Variants in MAF observed in about 807,000 individuals in gnomAD.
The protein encoded by MAF is MAF bZIP transcription factor.
MAF carries 10 observed loss-of-function variants against 22.0 expected under a neutral mutation model. The observed-to-expected ratio is 0.45, with a 90% confidence interval of 0.28 to 0.77. The LOEUF (loss-of-function observed/expected upper bound fraction) is 0.77. Among genes scored for constraint, MAF ranks in the 30% least tolerant of loss-of-function variants. The pLI, the probability that MAF is intolerant of heterozygous loss-of-function variation, is 0.12. For missense variants in MAF, 544 were observed against 548.4 expected (o/e 0.99, Z 0.08); for synonymous variants, 337 against 255.8 (o/e 1.32, Z -3.03).
chr16:79,420,008 T>TC, the MAF span, among the ~76,000 whole-genome samples: 27 of 151,856 alleles, frequency 1.8e-4, no homozygotes, highest in African/African-American at 5.8e-4. Flanking sequence ...CACACGGTTT[T>TC]TTTTTTTCTT....
the MAF span, among the ~76,000 whole-genome samples, chr16:79,493,431 C>A: frequency 1.3e-5 from 2 of 152,324 alleles, no homozygotes; most frequent in South Asian, 4.1e-4. Flanking sequence ...CCACCCACCT[C>A]AGCATCCGAA....
the MAF span, among the ~76,000 whole-genome samples, chr16:79,388,466 C>A: frequency 6.6e-6 from 1 of 152,174 alleles, no homozygotes; most frequent in South Asian, 2.1e-4. Context: ...TACTTTTCTT[C>A]AATATGCGGA....
the MAF span, among the ~76,000 whole-genome samples, chr16:79,355,441 G>T: frequency 6.6e-6 from 1 of 152,172 alleles, no homozygotes; most frequent in Non-Finnish European, 1.5e-5. Flanking sequence ...GTGGCTCTGA[G>T]GTCCTCCCAT....
the MAF span, among the ~76,000 whole-genome samples, chr16:79,497,953 A>G: frequency 1.3e-5 from 2 of 152,160 alleles, no homozygotes; most frequent in Non-Finnish European, 2.9e-5. Context: ...AGTTCTAGAG[A>G]CCAGAAGACA....
At chr16:79,311,648 A>G in the MAF span, among the ~76,000 whole-genome samples, 1 of 152,168 alleles carries the variant, frequency 6.6e-6, no homozygotes, top group Non-Finnish European at 1.5e-5. Context: ...CTCTTTCTGC[A>G]TTCAGTTCTC....
the MAF span, among the ~76,000 whole-genome samples, chr16:79,424,524 AT>A: frequency 6.6e-6 from 1 of 152,222 alleles, no homozygotes; most frequent in Non-Finnish European, 1.5e-5. Flanking sequence ...ATAAGAACAG[AT>A]ATAATCCAGG....
At chr16:79,433,359 T>C in the MAF span, among the ~76,000 whole-genome samples, 1 of 151,116 alleles carries the variant, frequency 6.6e-6, no homozygotes, top group South Asian at 2.1e-4. Flanking sequence ...GTTGGTGAAG[T>C]TTCATCTTCC....
chr16:79,561,850 C>G, the MAF span, among the ~76,000 whole-genome samples: 1 of 152,120 alleles, frequency 6.6e-6, no homozygotes, highest in Non-Finnish European at 1.5e-5. Context: ...TAGGATTAAC[C>G]AAGAGTAACT....
At chr16:79,476,397 C>G in the MAF span, among the ~76,000 whole-genome samples, 3 of 152,176 alleles carry the variant, frequency 2.0e-5, no homozygotes, top group Non-Finnish European at 2.9e-5. Flanking sequence ...CAGCAATAGG[C>G]AACTGATACA....
At chr16:79,226,572 G>A in the MAF span, among the ~76,000 whole-genome samples, 9 of 152,018 alleles carry the variant, frequency 5.9e-5, no homozygotes, top group Non-Finnish European at 1.2e-4. Context: ...GATGAAAAAT[G>A]TACGTTATAA....
chr16:79,378,714 C>T, the MAF span, among the ~76,000 whole-genome samples: 1 of 152,092 alleles, frequency 6.6e-6, no homozygotes, highest in South Asian at 2.1e-4. Context: ...TCTTGTAATC[C>T]TATTATTTCA....
At chr16:79,587,909 G>A (rs1028651572) in intron 1 of MAF, among the ~76,000 whole-genome samples, 20 of 149,700 alleles carry the variant, frequency 1.3e-4, no homozygotes, top group Non-Finnish European at 2.4e-4. Context: ...CCTGAATAGC[G>A]TCCAAAAGCC....
chr16:79,391,017 C>T, the MAF span, among the ~76,000 whole-genome samples: 2 of 152,116 alleles, frequency 1.3e-5, no homozygotes, highest in African/African-American at 2.4e-5. Context: ...CTCTGGCTTC[C>T]GTCACACTGC....
the MAF span, among the ~76,000 whole-genome samples, chr16:79,259,958 G>A: frequency 1.3e-5 from 2 of 152,192 alleles, no homozygotes; most frequent in African/African-American, 4.8e-5. Context: ...GTGAGGCCAG[G>A]TCAAGGCAGG....
chr16:79,204,959 C>G, the MAF span: 3 of 152,176 alleles, frequency 2.0e-5, no homozygotes, highest in African/African-American at 7.2e-5. Context: ...TCTTAGTGCT[C>G]TTGCAAGAAA....
chr16:79,496,442 G>C, the MAF span, among the ~76,000 whole-genome samples: 1 of 152,168 alleles, frequency 6.6e-6, no homozygotes, highest in African/African-American at 2.4e-5. Context: ...GAATTTCAAA[G>C]ACACAACCTA....
chr16:79,274,396 G>C, the MAF span, among the ~76,000 whole-genome samples: 1 of 152,066 alleles, frequency 6.6e-6, no homozygotes, highest in African/African-American at 2.4e-5. Context: ...TTCAGGTTGC[G>C]CAATTCCAGG....
chr16:79,363,231 C>T, the MAF span, among the ~76,000 whole-genome samples: 3 of 152,152 alleles, frequency 2.0e-5, no homozygotes, highest in South Asian at 2.1e-4. Context: ...TCTTAAGGAT[C>T]GCTCAGCTCT....
At chr16:79,334,120 C>T in the MAF span, among the ~76,000 whole-genome samples, 1 of 152,214 alleles carries the variant, frequency 6.6e-6, no homozygotes, top group South Asian at 2.1e-4. Context: ...GAAGTAACTT[C>T]ATTTGTTCAC....
Sources: allele counts gnomAD v4.1 joint callset (sites outside exome capture counted in the v4.1 genomes callset), GRCh38; gene constraint gnomAD v4.1.1; transcripts MANE v1.5; gene names NCBI Gene and HGNC (gene_info 2026-07-23, HGNC 2026-07-21).